The following NBPF9 variants were observed in gnomAD, a reference collection of about 807,000 sequenced individuals.
The protein encoded by NBPF9 is NBPF family member NBPF9.
NBPF9 carries 91 observed loss-of-function variants against 97.8 expected under a neutral mutation model. The ratio of observed to expected loss-of-function variants is 0.93; its 90% CI spans 0.79 to 1.11. The LOEUF is 1.11. Among genes scored for constraint, NBPF9 ranks in the 50% least tolerant of loss-of-function variants. NBPF9 has a pLI of 0.00. For missense variants in NBPF9, 992 were observed against 939.5 expected (o/e 1.06, Z -0.73); for synonymous variants, 334 against 359.5 (o/e 0.93, Z 0.80).
In NBPF9 at chr1:149,055,734, G is replaced by T. The variant is rs587733761; in HGVS notation, c.3258C>A (p.Tyr1086Ter). The T allele has an allele frequency of 4.3e-6, 7 of 1,611,868 alleles. No individual in the cohort carries two copies. The East Asian group carries it at 6.7e-5, about 15-fold the overall frequency. The change falls in exon 30 of 30, where the codon TAC becomes TAA. Residue 1086 changes from tyrosine to a stop codon, truncating the protein, a stop_gained. Transcript: ENST00000584027. LOFTEE classifies it low-confidence loss of function (END_TRUNC). Reference sequence around the variant, plus strand: ...TCAAAGTAAAAAACCTATTGTCCACGTAAAGGGCGAAGCTGATGTGCTGTT... The same window carrying T: ...TCAAAGTAAAAAACCTATTGTCCACTTAAAGGGCGAAGCTGATGTGCTGTT...
intron 29 of NBPF9, among the ~76,000 whole-genome samples, 169 bp from the exon 30 acceptor site, chr1:149,056,068 C>T (rs1482062208): frequency 6.6e-6 from 1 of 151,322 alleles, no homozygotes; most frequent in East Asian, 1.9e-4. Flanking sequence ...AGAACAGGGC[C>T]AGGTAGAAAA....
At chr1:149,097,231 G>A (rs1296450621) in intron 4 of NBPF9, among the ~76,000 whole-genome samples, 2 of 152,030 alleles carry the variant, frequency 1.3e-5, no homozygotes, top group African/African-American at 4.8e-5. Context: ...ACATGAAGAT[G>A]AGAACATCCA....
intron 4 of NBPF9, among the ~76,000 whole-genome samples, chr1:149,097,557 G>A (rs587602787): frequency 8.6e-5 from 13 of 151,312 alleles, no homozygotes; most frequent in East Asian, 3.9e-4. Flanking sequence ...GTCTGACATC[G>A]TCCATTTGTC....
chr1:149,052,374 G>T (rs1353722487), downstream of NBPF9, among the ~76,000 whole-genome samples: 8 of 151,184 alleles, frequency 5.3e-5, no homozygotes, highest in Admixed American at 3.3e-4. Context: ...ACTTGTACTT[G>T]TCACTGTGAC....
chr1:149,055,781 T>C (rs782801058), exon 30 of NBPF9: 2 of 1,611,522 alleles, frequency 1.2e-6, no homozygotes, highest in Non-Finnish European at 1.7e-6. Flanking sequence ...TAAAACACAC[T>C]TCTGTAGTGC....
intron 6 of NBPF9, 48 bp downstream of exon 6, chr1:149,082,224 A>C: frequency 6.8e-7 from 1 of 1,461,578 alleles, no homozygotes; most frequent in Admixed American, 1.7e-5. Context: ...TGGTGAAATC[A>C]AATAGGTTTA....
exon 30 of NBPF9, chr1:149,055,751 T>C (rs782393903): frequency 2.5e-6 from 4 of 1,611,862 alleles, no homozygotes; most frequent in East Asian, 2.2e-5. Context: ...GCGAAGCTGA[T>C]GTGCTGTTCC....
Position 149,076,964 on chromosome 1 carries a change from T to C in NBPF9, c.778+244A>G, listed in dbSNP as rs2079930722. On this transcript the variant is annotated intron_variant, in intron 11 of 29. Transcript: ENST00000584027. ...CATGCAGCACCATGCCTGCCTAATT[T>C]TTTGTGTTCTTTGTAAAGATGGGTT... Among the ~76,000 whole-genome samples the C allele has an allele frequency of 6.6e-5, 10 of 151,202 alleles. No individual in the cohort carries two copies. The South Asian group carries it at 1.9e-3, about 29-fold the overall frequency.
intron 29 of NBPF9, 25 bp from the exon 30 acceptor site, chr1:149,055,924 A>G (rs782627571): frequency 6.2e-7 from 1 of 1,611,850 alleles, no homozygotes; most frequent in East Asian, 2.2e-5. Context: ...AAAACTAAAG[A>G]AGCAGCCAGG....
At chr1:149,070,312 C>T (rs1306844647) in intron 16 of NBPF9, among the ~76,000 whole-genome samples, 1 of 111,330 alleles carries the variant, frequency 9.0e-6, no homozygotes, top group Non-Finnish European at 1.7e-5. Flanking sequence ...CAGAGCAAGA[C>T]TCCATCGCAA....
At chr1:149,055,287 T>G (rs1444576182) in exon 30 of NBPF9, 10 of 397,156 alleles carry the variant, frequency 2.5e-5, no homozygotes, top group African/African-American at 1.6e-4. Flanking sequence ...GTAACACCTT[T>G]GGATGAGCTA....
chr1:149,055,863 T>C (rs1367393551), exon 30 of NBPF9: 3 of 1,609,384 alleles, frequency 1.9e-6, no homozygotes, highest in Non-Finnish European at 2.5e-6. Context: ...CCTGCAAGAC[T>C]TCAGGCTCTT....
At chr1:149,081,030 C>T (rs1290983863) in intron 7 of NBPF9, among the ~76,000 whole-genome samples, 1 of 151,950 alleles carries the variant, frequency 6.6e-6, no homozygotes, top group East Asian at 1.9e-4. Context: ...GATCTTTCTT[C>T]CTCTTTAGGA....
intron 11 of NBPF9, among the ~76,000 whole-genome samples, chr1:149,076,332 G>A (rs2079865583): frequency 6.6e-6 from 1 of 150,734 alleles, no homozygotes; most frequent in Non-Finnish European, 1.5e-5. Context: ...CAAGCATCTG[G>A]GATTACAAGG....
chr1:149,079,091 C>G lies in NBPF9; in HGVS notation c.409G>C (p.Asp137His). ...TGGAGGTCCTGCCCCTGGGACTTGT[C>G]CGGCTCATCCGGAGTGAGGAGGGCC... Residue 137 changes from aspartate to histidine, a missense_variant, in exon 9 of 30, where the codon GAC (aspartate) becomes CAC (histidine). Physicochemically the swap from Asp to His is moderately conservative, Grantham distance 81. This residue lies in a region of NBPF9 where 109 missense variants were observed against 133.1 expected (regional missense o/e 0.82). Transcript: ENST00000584027. 10 of 1,329,358 alleles carry G rather than the reference C, an allele frequency of 7.5e-6. No homozygotes were observed. In the Middle Eastern group the frequency reaches 2.1e-3, roughly 275 times the overall value. 82.3% of individuals were successfully genotyped at this position (1,329,358 alleles called of 1,614,324 possible). A position where few individuals can be genotyped will look rare whatever the true frequency, so the allele number is the denominator to read the frequency against.
chr1:149,079,409 G>C (rs1412636272), intron 8 of NBPF9, among the ~76,000 whole-genome samples, 188 bp from the exon 9 acceptor site: 2 of 151,782 alleles, frequency 1.3e-5, no homozygotes, highest in Non-Finnish European at 2.9e-5. Context: ...CTCTGTATCA[G>C]AGAGGGCTCC....
At chr1:149,078,788 A>C in intron 9 of NBPF9, among the ~76,000 whole-genome samples, 2 of 140,922 alleles carry the variant, frequency 1.4e-5, no homozygotes, top group Non-Finnish European at 3.1e-5. Flanking sequence ...TCCAAAGACC[A>C]CCTTCCATCA....
intron 5 of NBPF9, among the ~76,000 whole-genome samples, chr1:149,082,979 T>TTTTG (rs2080645902): frequency 8.5e-5 from 11 of 130,006 alleles, no homozygotes; most frequent in South Asian, 2.6e-4. Flanking sequence ...TTTTTTTTTT[T>TTTTG]TTTGTATTTT....
At chr1:149,068,950 A>G (rs1382484163) in intron 17 of NBPF9, among the ~76,000 whole-genome samples, 2 of 152,058 alleles carry the variant, frequency 1.3e-5, no homozygotes, top group Non-Finnish European at 2.9e-5. Flanking sequence ...ATCAAATTAG[A>G]ACTCAGGATT....
Sources: gnomAD v4.1 joint callset for allele counts (sites outside exome capture counted in the v4.1 genomes callset) on GRCh38, gnomAD v4.1.1 for gene constraint, gnomAD v4.1.1 regional missense constraint, MANE v1.5 for transcripts, NCBI Gene and HGNC (gene_info 2026-07-23, HGNC 2026-07-21) for gene names.